ITIH4: variants seen among roughly 807,000 people sequenced by gnomAD.
ITIH4 encodes inter-alpha-trypsin inhibitor heavy chain H4.
Under a neutral mutation model 111.8 loss-of-function variants are expected in ITIH4, and 79 were observed. The ratio of observed to expected loss-of-function variants is 0.71; its 90% CI spans 0.59 to 0.85. ITIH4 has a LOEUF of 0.85. ITIH4 is among the 40% of genes least tolerant of loss of function. The pLI, the probability that ITIH4 is intolerant of heterozygous loss-of-function variation, is 0.00. For missense variants in ITIH4, 1,065 were observed against 1,195.8 expected (o/e 0.89, Z 1.61); for synonymous variants, 472 against 468.3 (o/e 1.01, Z -0.10).
At position 52,816,872 on chromosome 3, in the gene ITIH4, C is replaced by A. The variant is rs1341874803; in HGVS notation, c.2471+12G>T. 1 of 1,612,300 alleles carries A rather than the reference C, an allele frequency of 6.2e-7. No individual in the cohort carries two copies. The highest frequency in any genetic ancestry group is 8.5e-7 in the Non-Finnish European group (1 of 1,179,052). On this transcript the variant is annotated intron_variant, in intron 21 of 23. Transcript: ENST00000266041. ...GGTCAACCCCTGCCCCGGGCTCCAG[C>A]CTGGGCCTTACCCGGGCATCACTGA...
At chr3:52,823,154 G>A (rs982327009) in intron 11 of ITIH4, among the ~76,000 whole-genome samples, 4 of 152,190 alleles carry the variant, frequency 2.6e-5, no homozygotes, top group Admixed American at 1.3e-4. Context: ...AGGGTGCCAC[G>A]TGGCAAGCTG....
At position 52,821,120 on chromosome 3, in the gene ITIH4, T is replaced by A; in HGVS notation, c.1550A>T (p.Asn517Ile). 4 of 1,613,410 alleles carry A rather than the reference T, an allele frequency of 2.5e-6. No homozygotes were observed. Among genetic ancestry groups the A allele is most frequent in the Non-Finnish European group, 3.4e-6 (4 of 1,179,984 alleles). Residue 517 changes from asparagine to isoleucine, a missense_variant, in exon 12 of 24, where the codon AAC becomes ATC. Physicochemically the swap from Asn to Ile is moderately radical, Grantham distance 149 (BLOSUM62 -3). Coordinates refer to ENST00000266041, the MANE Select transcript of ITIH4 (RefSeq NM_002218.5). ...ACTGGACTCCGTTTGGAAAGTGATG[T>A]TCTGTGTAGGCTGGAAAGAGGGGCC... ...ATVSGKLPTQNITFQTESSVA... is the reference protein window; with the variant it reads ...ATVSGKLPTQIITFQTESSVA...
intron 1 of ITIH4, chr3:52,830,046 C>T: frequency 3.3e-6 from 1 of 302,456 alleles, no homozygotes; most frequent in Non-Finnish European, 6.4e-6. Flanking sequence ...TGCAGTTTGG[C>T]ACAGAGGTGC....
intron 11 of ITIH4, among the ~76,000 whole-genome samples, chr3:52,821,810 C>T (rs941001285): frequency 6.6e-6 from 1 of 152,156 alleles, no homozygotes; most frequent in Non-Finnish European, 1.5e-5. Context: ...CAGGCCTCTC[C>T]CACCAGAGCT....
rs370910493 is a variant in ITIH4, at chr3:52,826,960, G to A, written c.357-7C>T. On this transcript the variant is annotated splice_region_variant and splice_polypyrimidine_tract_variant and intron_variant, in intron 3 of 23. Coordinates refer to ENST00000266041, the MANE Select transcript of ITIH4 (RefSeq NM_002218.5). Reference sequence around the variant, plus strand: ...CATGTTTCTCCCGGTGGCCCTGGGGGAGAAGGGCATCAGGCCTGCTCCTCC... The same window carrying A: ...CATGTTTCTCCCGGTGGCCCTGGGGAAGAAGGGCATCAGGCCTGCTCCTCC... 6 of 1,614,124 alleles carry A rather than the reference G, an allele frequency of 3.7e-6. No individual in the cohort carries two copies. Among genetic ancestry groups the A allele is most frequent in the Admixed American group, 3.3e-5 (2 of 60,028 alleles).
rs891149253 is a variant in ITIH4 at position 52,824,350 on chromosome 3, C to G, written c.1046-35G>C. The G allele has an allele frequency of 3.1e-6, 5 of 1,611,992 alleles. No individual in the cohort carries two copies. The Admixed American group carries it at 6.7e-5, about 21-fold the overall frequency. On this transcript the variant is annotated intron_variant, in intron 8 of 23. Transcript: ENST00000266041. This position sits in a 1 kb window ranked among gnomAD's most constrained non-coding sequence, Gnocchi z 4.3. Reference sequence around the variant, plus strand: ...ACGCACTCTCAAGGTGGTCCCCAGCCAGGAGCCCTGGAAGCCCCCACCCTG... The same window carrying G: ...ACGCACTCTCAAGGTGGTCCCCAGCGAGGAGCCCTGGAAGCCCCCACCCTG...
intron 2 of ITIH4, among the ~76,000 whole-genome samples, chr3:52,828,237 C>T (rs577999995): frequency 6.6e-6 from 1 of 152,356 alleles, no homozygotes; most frequent in Admixed American, 6.5e-5. Flanking sequence ...CGGGCCTGGA[C>T]CTGGCAACTG....
At chr3:52,828,229 G>C (rs1398833432) in intron 2 of ITIH4, among the ~76,000 whole-genome samples, 1 of 152,234 alleles carries the variant, frequency 6.6e-6, no homozygotes, top group Non-Finnish European at 1.5e-5. Context: ...AGATGCCACG[G>C]GCCTGGACCT....
intron 21 of ITIH4, among the ~76,000 whole-genome samples, chr3:52,816,106 G>C (rs60323677): frequency 1.3e-5 from 2 of 152,358 alleles, no homozygotes; most frequent in East Asian, 3.9e-4. Flanking sequence ...GCTGGACAAG[G>C]CTCTCCATAC....
intron 5 of ITIH4, 114 bp from the exon 6 acceptor site, chr3:52,826,128 C>T (rs1005538634): frequency 6.3e-6 from 9 of 1,425,364 alleles, no homozygotes; most frequent in South Asian, 1.4e-5. Context: ...GCCTTGGGTC[C>T]GTATTCCAGG....
At chr3:52,828,143 G>A (rs1700514580) in intron 2 of ITIH4, among the ~76,000 whole-genome samples, 1 of 152,182 alleles carries the variant, frequency 6.6e-6, no homozygotes, top group South Asian at 2.1e-4. Context: ...CAGGGAACCT[G>A]CTCTCTGCTC....
At position 52,816,893 on chromosome 3, in the gene ITIH4, A is replaced by G. The variant is rs1292049244; in HGVS notation, c.2462T>C (p.Val821Ala). The change falls in exon 21 of 24, where the codon GTG becomes GCG. Residue 821 changes from valine to alanine, a missense_variant. Val to Ala is a moderately conservative substitution (Grantham distance 64, BLOSUM62 0). Transcript: ENST00000266041. ...CCAGCCTGGGCCTTACCCGGGCATC[A>G]CTGAGAATAGCGTCTCCTTCCACTT... ...AYKWKETLFS[V>A]MPGLKMTMDK... 6.2e-7 allele frequency: 1 copy of G among 1,613,482 alleles called. No individual in the cohort carries two copies. Among genetic ancestry groups the G allele is most frequent in the African/African-American group, 1.3e-5 (1 of 74,898 alleles).
intron 16 of ITIH4, 103 bp from the exon 17 acceptor site, chr3:52,819,621 T>A (rs891213226): frequency 1.7e-4 from 264 of 1,573,112 alleles, no homozygotes; most frequent in Non-Finnish European, 2.3e-4. Context: ...AGGGCAGCTA[T>A]GTCCCCTCTC....
intron 6 of ITIH4, chr3:52,825,432 A>G (rs1000773250): frequency 4.6e-5 from 2 of 43,482 alleles, no homozygotes; most frequent in Non-Finnish European, 8.3e-5. Flanking sequence ...TCTCTACTGG[A>G]AAAAAAAAAA....
At chr3:52,819,701 A>G (rs1190991916) in intron 16 of ITIH4, 53 bp downstream of exon 16, 1 of 1,598,752 alleles carries the variant, frequency 6.3e-7, no homozygotes, top group African/African-American at 1.3e-5. Flanking sequence ...GACCTCCCTC[A>G]AGCTCCCCCC....
chr3:52,818,102 T>A lies in ITIH4; in HGVS notation c.2246A>T (p.Asp749Val). The change falls in exon 20 of 24, where the codon GAC becomes GTC. Residue 749 changes from aspartate (D) to valine (V), a missense_variant. By Grantham distance (152) the Asp-to-Val change is radical. Coordinates refer to ENST00000266041, the MANE Select transcript of ITIH4 (RefSeq NM_002218.5). The stretch of plus-strand genomic sequence containing the variant: ...CACTGGCCCCTGGCGGTGTCTGGGG[T>A]CCACACAGAGCCGCTCCACACTCTG... ...PGQSVERLCVDPRHRQGPVNL... is the reference protein window; with the variant it reads ...PGQSVERLCVVPRHRQGPVNL... 1 of 1,613,616 alleles carries A rather than the reference T, an allele frequency of 6.2e-7. No individual in the cohort carries two copies. Among genetic ancestry groups the A allele is most frequent in the Non-Finnish European group, 8.5e-7 (1 of 1,179,970 alleles).
rs963146843 is a variant in ITIH4 at position 52,824,732 on chromosome 3, C to T, written c.876+110G>A. ...CCAACCTTGGTTCCTGAGAGCCACC[C>T]GCCCCATGGTGCCGAAAGGTGAAGC... On this transcript the variant is annotated intron_variant, in intron 7 of 23. Transcript: ENST00000266041. This position sits in a 1 kb window ranked among gnomAD's most constrained non-coding sequence, Gnocchi z 4.3. The T allele has an allele frequency of 5.6e-6, 7 of 1,240,484 alleles. No homozygotes were observed. Among genetic ancestry groups the T allele is most frequent in the East Asian group, 2.3e-5 (1 of 42,844 alleles). The allele number at this position is 1,240,484 out of a possible 1,614,324, so 76.8% of individuals were successfully genotyped here. A position where few individuals can be genotyped will look rare whatever the true frequency, so the allele number is the denominator to read the frequency against.
chr3:52,821,184 C>T, intron 11 of ITIH4, 54 bp from the exon 12 acceptor site: 1 of 1,582,372 alleles, frequency 6.3e-7, no homozygotes, highest in Non-Finnish European at 8.6e-7. Context: ...ACATCTGCAT[C>T]TGCCTGGCAC....
At chr3:52,827,928 T>G (rs563183362) in intron 2 of ITIH4, among the ~76,000 whole-genome samples, 130 of 152,240 alleles carry the variant, frequency 8.5e-4, no homozygotes, top group South Asian at 5.4e-3. Context: ...CCTGGTCAAC[T>G]TCATGTGGTA....
Sources: allele counts gnomAD v4.1 joint callset (sites outside exome capture counted in the v4.1 genomes callset), GRCh38; gene constraint gnomAD v4.1.1; non-coding constraint Gnocchi (gnomAD v3.1); transcripts MANE v1.5; gene names NCBI Gene and HGNC (gene_info 2026-07-23, HGNC 2026-07-21).